Variants in CEP112 observed in about 807,000 individuals in gnomAD.
CEP112 encodes the protein centrosomal protein 112.
In CEP112, 127 loss-of-function variants were observed where a neutral mutation model predicts 153.0. That is an observed-to-expected ratio of 0.83 (90% CI 0.72 to 0.96). The LOEUF (loss-of-function observed/expected upper bound fraction) is 0.96. Ranked by LOEUF, CEP112 falls within the 40% of genes least tolerant of loss-of-function variation. The pLI, the probability that CEP112 is intolerant of heterozygous loss-of-function variation, is 0.00. For missense variants in CEP112, 1,089 were observed against 1,101.2 expected (o/e 0.99, Z 0.16); for synonymous variants, 358 against 374.4 (o/e 0.96, Z 0.51).
chr17:65,841,467 A>C (rs571544757), intron 21 of CEP112, among the ~76,000 whole-genome samples: 1 of 152,184 alleles, frequency 6.6e-6, no homozygotes, highest in East Asian at 1.9e-4. Context: ...TGCAGGTGAG[A>C]GTAGAATGAC....
chr17:66,095,326 G>A (rs2146272903), intron 8 of CEP112, among the ~76,000 whole-genome samples: 1 of 151,886 alleles, frequency 6.6e-6, no homozygotes, highest in South Asian at 2.1e-4. Flanking sequence ...ACAATGAAAT[G>A]TTATTCAGTT....
chr17:65,727,750 G>A (rs1239734484), intron 23 of CEP112, among the ~76,000 whole-genome samples: 2 of 152,194 alleles, frequency 1.3e-5, no homozygotes, highest in African/African-American at 4.8e-5. Context: ...ATGATTTACA[G>A]GCAGTGCAAC....
intron 20 of CEP112, among the ~76,000 whole-genome samples, chr17:65,871,527 C>T (rs1401223468): frequency 2.6e-5 from 4 of 152,080 alleles, no homozygotes; most frequent in Non-Finnish European, 4.4e-5. Context: ...CCCAGCTACT[C>T]GGGAGGCTGA....
chr17:65,812,240 T>C (rs1184998165), intron 21 of CEP112, among the ~76,000 whole-genome samples: 7 of 152,190 alleles, frequency 4.6e-5, no homozygotes, highest in African/African-American at 1.7e-4. Context: ...TCTGACCTCA[T>C]GATCCACCCG....
intron 16 of CEP112, among the ~76,000 whole-genome samples, chr17:66,013,029 T>C (rs2064604754): frequency 1.3e-5 from 2 of 152,376 alleles, no homozygotes; most frequent in Admixed American, 6.5e-5. Context: ...ACACTTGTGA[T>C]TGTATTCTGA....
chr17:66,036,983 T>C (rs2065765728), intron 12 of CEP112, among the ~76,000 whole-genome samples: 2 of 152,218 alleles, frequency 1.3e-5, no homozygotes, highest in African/African-American at 4.8e-5. Context: ...TAGTGTTTTC[T>C]ACCTTGAACA....
chr17:65,916,289 G>GTGTGTGTGTGTA lies in CEP112; in HGVS notation c.1980+11292_1980+11293insTACACACACACA, dbSNP rs777844271. On this transcript the variant is annotated intron_variant, in intron 19 of 26. Coordinates refer to ENST00000535342, the MANE Select transcript of CEP112 (RefSeq NM_001199165.4). Reference sequence around the variant, plus strand: ...TGTGTGTGTGTGTGTGTGTGTGTGTGTGTATGTGTGGTAGGAGTAGTGGTG... The same window carrying GTGTGTGTGTGTA: ...TGTGTGTGTGTGTGTGTGTGTGTGTGTGTGTGTGTGTATGTATGTGTGGTAGGAGTAGTGGTG... Among the ~76,000 whole-genome samples, 737 of 147,192 alleles carry GTGTGTGTGTGTA rather than the reference G, an allele frequency of 5.0e-3. 3 individuals are homozygous for GTGTGTGTGTGTA. Among genetic ancestry groups the GTGTGTGTGTGTA allele is most frequent in the Non-Finnish European group, 7.4e-3 (490 of 66,358 alleles).
intron 20 of CEP112, among the ~76,000 whole-genome samples, chr17:65,859,190 T>A (rs1021980970): frequency 6.6e-6 from 1 of 152,004 alleles, no homozygotes; most frequent in African/African-American, 2.4e-5. Context: ...ATGCCTGTAG[T>A]CTTAGCACTT....
At position 65,982,959 on chromosome 17, in the gene CEP112, A is replaced by T. The variant is rs552562161; in HGVS notation, c.1737-21361T>A. On this transcript the variant is annotated intron_variant, in intron 17 of 26. Transcript: ENST00000535342. ...TTACACTAAGTGAAAGTAGCTCCGGACACAAAAGGTCACATATTGTATGAT... is the reference window on the plus strand; with the variant it reads ...TTACACTAAGTGAAAGTAGCTCCGGTCACAAAAGGTCACATATTGTATGAT... 2.0e-5 allele frequency among the ~76,000 whole-genome samples: 3 copies of T among 152,338 alleles called. No individual in the cohort carries two copies. In the South Asian group the frequency reaches 6.2e-4, roughly 32 times the overall value.
rs558260910 is a variant in CEP112 at position 65,790,211 on chromosome 17, A to AT, written c.2395-39488dup. On this transcript the variant is annotated intron_variant, in intron 21 of 26. Transcript: ENST00000535342. ...TTTGTGTCCTAAAGGAAAGAGAGCCATTTTTGGCTTTATAAGAAGAATCAG... is the reference window on the plus strand; with the variant it reads ...TTTGTGTCCTAAAGGAAAGAGAGCCATTTTTTGGCTTTATAAGAAGAATCAG... Among the ~76,000 whole-genome samples the AT allele has an allele frequency of 1.2e-4, 18 of 152,296 alleles. No individual in the cohort carries two copies. In the South Asian group the frequency reaches 3.7e-3, roughly 32 times the overall value.
At chr17:66,031,463 GTTTTGTTTTGTTTT>G (rs1228683210) in intron 12 of CEP112, among the ~76,000 whole-genome samples, 1 of 42,744 alleles carries the variant, frequency 2.3e-5, no homozygotes, top group Non-Finnish European at 5.2e-5. Flanking sequence ...GAAAAACCCA[GTTTTGTTTTGTTTT>G]TTTTTTTTGT....
intron 19 of CEP112, among the ~76,000 whole-genome samples, chr17:65,913,135 T>C (rs1241382370): frequency 3.3e-5 from 5 of 152,230 alleles, no homozygotes; most frequent in East Asian, 3.8e-4. Flanking sequence ...TCTGAAAAAT[T>C]TGCATCTGCA....
chr17:65,641,124 TAAG>T (rs1270584718), intron 24 of CEP112, 59 bp from the exon 25 acceptor site: 7 of 942,902 alleles, frequency 7.4e-6, no homozygotes, highest in Non-Finnish European at 1.2e-5. Flanking sequence ...GTTTTGGATT[TAAG>T]AAGTCCCAGA....
At chr17:65,905,621 A>T (rs2060043183) in intron 19 of CEP112, among the ~76,000 whole-genome samples, 1 of 152,194 alleles carries the variant, frequency 6.6e-6, no homozygotes, top group Non-Finnish European at 1.5e-5. Context: ...AGGATTTTAA[A>T]TCATTCTACT....
At chr17:65,860,343 C>T (rs2058273702) in intron 20 of CEP112, among the ~76,000 whole-genome samples, 1 of 152,116 alleles carries the variant, frequency 6.6e-6, no homozygotes, top group African/African-American at 2.4e-5. Context: ...AAAGTCTCTT[C>T]ATCAGTTCTC....
chr17:65,816,131 GTCTTT>G (rs1157197734), intron 21 of CEP112, among the ~76,000 whole-genome samples: 1 of 151,750 alleles, frequency 6.6e-6, no homozygotes, highest in Non-Finnish European at 1.5e-5. Context: ...TTTTTCTGGT[GTCTTT>G]TCTTTTTAAA....
At chr17:65,819,678 A>T (rs2145986031) in intron 21 of CEP112, among the ~76,000 whole-genome samples, 1 of 152,184 alleles carries the variant, frequency 6.6e-6, no homozygotes, top group East Asian at 1.9e-4. Flanking sequence ...AAGGCACAAT[A>T]TCACTTCTGC....
intron 17 of CEP112, among the ~76,000 whole-genome samples, chr17:65,970,362 T>TATTACATACACACATCATGCATGTAA (rs1568313452): frequency 1.5e-5 from 2 of 134,956 alleles, no homozygotes; most frequent in Non-Finnish European, 3.3e-5. Context: ...TATGTGCCTA[T>TATTACATACACACATCATGCATGTAA]ATTACATGCA....
intron 4 of CEP112, among the ~76,000 whole-genome samples, chr17:66,165,427 T>C (rs1254246362): frequency 6.6e-6 from 1 of 152,216 alleles, no homozygotes; most frequent in Admixed American, 6.5e-5. Flanking sequence ...AACACATATC[T>C]GCCCAAACAT....
Sources: allele counts gnomAD v4.1 joint callset (sites outside exome capture counted in the v4.1 genomes callset), GRCh38; gene constraint gnomAD v4.1.1; transcripts MANE v1.5; gene names NCBI Gene and HGNC (gene_info 2026-07-23, HGNC 2026-07-21).